Variants in SPAG1 observed in about 807,000 individuals in gnomAD.
The protein encoded by SPAG1 is sperm-associated antigen 1.
A neutral mutation model predicts 100.5 loss-of-function variants in SPAG1; 69 were observed. The ratio of observed to expected loss-of-function variants is 0.69; its 90% CI spans 0.57 to 0.84. The LOEUF (loss-of-function observed/expected upper bound fraction) is 0.84. Among genes scored for constraint, SPAG1 ranks in the 40% least tolerant of loss-of-function variants. The pLI is 0.00. For missense variants in SPAG1, 955 were observed against 1,133.1 expected (o/e 0.84, Z 2.26); for synonymous variants, 336 against 411.6 (o/e 0.82, Z 2.22).
At chr8:100,228,861 A>T (rs1171351486) in intron 14 of SPAG1, among the ~76,000 whole-genome samples, 3 of 152,104 alleles carry the variant, frequency 2.0e-5, no homozygotes, top group Non-Finnish European at 4.4e-5. Flanking sequence ...CTAGGTTTAA[A>T]ACTTTAAATT....
intron 3 of SPAG1, among the ~76,000 whole-genome samples, chr8:100,174,976 T>G (rs991448135): frequency 6.6e-6 from 1 of 151,822 alleles, no homozygotes; most frequent in African/African-American, 2.4e-5. Flanking sequence ...ATGGCTTTTT[T>G]TTTTTTTTTT....
chr8:100,177,961 T>C lies in SPAG1; in HGVS notation c.426+20T>C. 1 of 1,603,966 alleles carries C rather than the reference T, an allele frequency of 6.2e-7. No individual in the cohort carries two copies. On this transcript the variant is annotated intron_variant, in intron 4 of 18. Transcript: ENST00000388798. Reference sequence around the variant, plus strand: ...GGCAAGGTAGGCTTCTTTGATATCTTTGTGGGTGGTAGCAGGAGAGGATTG... The same window carrying C: ...GGCAAGGTAGGCTTCTTTGATATCTCTGTGGGTGGTAGCAGGAGAGGATTG...
At chr8:100,200,398 A>G (rs936299880) in intron 10 of SPAG1, among the ~76,000 whole-genome samples, 4 of 152,238 alleles carry the variant, frequency 2.6e-5, no homozygotes, top group African/African-American at 9.6e-5. Flanking sequence ...ATAGTGCCAC[A>G]ATAAACATAC....
intron 10 of SPAG1, among the ~76,000 whole-genome samples, chr8:100,209,928 G>A (rs1817653005): frequency 6.6e-6 from 1 of 151,744 alleles, no homozygotes; most frequent in Non-Finnish European, 1.5e-5. Flanking sequence ...ATATAAATAG[G>A]ATCATATAAT....
rs1816514535 is a variant in SPAG1, at chr8:100,184,722, G to C, written c.690G>C (p.Met230Ile). The C allele has an allele frequency of 6.3e-7, 1 of 1,577,922 alleles. No homozygotes were observed. Among genetic ancestry groups the C allele is most frequent in the Admixed American group, 1.9e-5 (1 of 52,736 alleles). ...CAGGAGATTATGAAGAAGCAGTGAT[G>C]TATTATACCAGGTGAGCAGATGTTT... The part of the protein sequence containing the change: ...FNSGDYEEAV[M>I]YYTRSISALP... The change falls in exon 7 of 19, where the codon ATG (methionine) becomes ATC (isoleucine). Residue 230 changes from methionine to isoleucine, a missense_variant. Coordinates refer to ENST00000388798, the MANE Select transcript of SPAG1 (RefSeq NM_003114.5).
chr8:100,214,539 G>A (rs557112665), intron 12 of SPAG1, among the ~76,000 whole-genome samples: 2 of 152,054 alleles, frequency 1.3e-5, no homozygotes, highest in Non-Finnish European at 2.9e-5. Flanking sequence ...ACTGACACTC[G>A]GTCACACCTC....
chr8:100,170,828 TA>T (rs1336506191), intron 3 of SPAG1, among the ~76,000 whole-genome samples: 84 of 144,510 alleles, frequency 5.8e-4, no homozygotes, highest in East Asian at 4.9e-3. Flanking sequence ...TTTATTTATT[TA>T]TTTATTTATT....
At chr8:100,213,012 C>CG in intron 10 of SPAG1, 78 bp from the exon 11 acceptor site, 1 of 1,230,762 alleles carries the variant, frequency 8.1e-7, no homozygotes, top group Non-Finnish European at 1.0e-6. Context: ...CGTCCTGCAC[C>CG]CCCGCGGCCT....
In SPAG1 at chr8:100,238,741, A is replaced by C. The variant is rs185129024; in HGVS notation, c.2116-499A>C. The stretch of plus-strand genomic sequence containing the variant: ...AAGTATTATAATAACTACCATTTGC[A>C]TAGTCCTTTATAGGTTTAAGCCACT... On this transcript the variant is annotated intron_variant, in intron 16 of 18. Coordinates refer to ENST00000388798, the MANE Select transcript of SPAG1 (RefSeq NM_003114.5). Among the ~76,000 whole-genome samples, 3 of 147,178 alleles carry C rather than the reference A, an allele frequency of 2.0e-5. No individual in the cohort carries two copies. In the South Asian group the frequency reaches 6.6e-4, roughly 33 times the overall value.
rs1819269814 is a variant in SPAG1, at chr8:100,241,508, C to T, written c.*486C>T. The T allele has an allele frequency of 6.6e-6, 1 of 152,090 alleles. No individual in the cohort carries two copies. The highest frequency in any genetic ancestry group is 1.9e-4 in the East Asian group (1 of 5,184). The allele number at this position is 152,090 out of a possible 1,614,324, so 9.4% of individuals were successfully genotyped here. A position where few individuals can be genotyped will look rare whatever the true frequency, so the allele number is the denominator to read the frequency against. On this transcript the variant is annotated 3_prime_UTR_variant, in exon 19 of 19. Coordinates refer to ENST00000388798, the MANE Select transcript of SPAG1 (RefSeq NM_003114.5). The surrounding 1 kb of genome is among the most constrained non-coding windows in gnomAD (Gnocchi z 5.1). ...CAGTCAGTTAAAATGAAATGCAACA[C>T]TGAAGTCTATAACATGAAATGATTA... is the stretch of plus-strand genomic sequence containing the variant.
chr8:100,184,242 T>A (rs953889684), intron 6 of SPAG1, among the ~76,000 whole-genome samples, 180 bp downstream of exon 6: 6 of 152,202 alleles, frequency 3.9e-5, no homozygotes, highest in Non-Finnish European at 8.8e-5. Flanking sequence ...ACTTAATTTT[T>A]AAATGTAGTA....
chr8:100,197,345 A>T (rs1817077455), intron 10 of SPAG1, among the ~76,000 whole-genome samples: 1 of 152,156 alleles, frequency 6.6e-6, no homozygotes, highest in African/African-American at 2.4e-5. Flanking sequence ...TTTATCAGAA[A>T]AGTCAATTGA....
At chr8:100,213,059 AC>A in intron 10 of SPAG1, 30 bp from the exon 11 acceptor site, 2 of 1,412,168 alleles carry the variant, frequency 1.4e-6, no homozygotes, top group Non-Finnish European at 9.2e-7. Context: ...GGTGATGCAA[AC>A]CCTCACTTCC....
At chr8:100,206,180 C>T (rs1392169263) in intron 10 of SPAG1, among the ~76,000 whole-genome samples, 2 of 152,102 alleles carry the variant, frequency 1.3e-5, no homozygotes, top group African/African-American at 2.4e-5. Context: ...AGTGGTGACT[C>T]CAATTGCAGC....
intron 13 of SPAG1, 47 bp downstream of exon 13, chr8:100,220,478 T>C (rs748106528): frequency 7.4e-6 from 11 of 1,496,468 alleles, no homozygotes; most frequent in Non-Finnish European, 1.0e-5. Context: ...TTTTATACTG[T>C]TTTTCCCTTC....
chr8:100,207,993 C>G (rs1393441911), intron 10 of SPAG1, among the ~76,000 whole-genome samples: 49 of 152,156 alleles, frequency 3.2e-4, no homozygotes, highest in Admixed American at 2.9e-3. Context: ...ACTCTTCCCC[C>G]CATAGCCAGG....
At position 100,164,232 on chromosome 8, in the gene SPAG1, C is replaced by A. The variant is rs1394622033; in HGVS notation, c.141-1582C>A. On this transcript the variant is annotated intron_variant, in intron 2 of 18. Coordinates refer to ENST00000388798, the MANE Select transcript of SPAG1 (RefSeq NM_003114.5). ...CCTTGTTGAAAAGGAAGTCCAAATT[C>A]TCTTTCTGCTAGTCTCTAATATTGA... 2.0e-5 allele frequency among the ~76,000 whole-genome samples: 3 copies of A among 151,674 alleles called. No individual in the cohort carries two copies. In the South Asian group the frequency reaches 6.2e-4, roughly 31 times the overall value.
At chr8:100,177,142 A>C (rs1719699368) in intron 3 of SPAG1, among the ~76,000 whole-genome samples, 1 of 152,048 alleles carries the variant, frequency 6.6e-6, no homozygotes, top group South Asian at 2.1e-4. Context: ...GTGACACTTT[A>C]TATGGGTCCC....
intron 8 of SPAG1, among the ~76,000 whole-genome samples, chr8:100,189,654 C>CA (rs932722929): frequency 3.3e-5 from 5 of 151,586 alleles, no homozygotes; most frequent in South Asian, 2.1e-4. Context: ...GACTCTGTTT[C>CA]AAAAAAAATA....
Sources: gnomAD v4.1 joint callset for allele counts (sites outside exome capture counted in the v4.1 genomes callset) on GRCh38, gnomAD v4.1.1 for gene constraint, Gnocchi (gnomAD v3.1) non-coding constraint, MANE v1.5 for transcripts, NCBI Gene and HGNC (gene_info 2026-07-23, HGNC 2026-07-21) for gene names.